STXBP2: variants seen among roughly 807,000 people sequenced by gnomAD.
STXBP2 encodes syntaxin binding protein 2.
A neutral mutation model predicts 72.2 loss-of-function variants in STXBP2; 47 were observed. That is an observed-to-expected ratio of 0.65 (90% confidence interval 0.51 to 0.83). STXBP2 has a LOEUF of 0.83. STXBP2 is among the 40% of genes least tolerant of loss of function. STXBP2 has a pLI of 0.00. For missense variants in STXBP2, 702 were observed against 807.6 expected (o/e 0.87, Z 1.58); for synonymous variants, 367 against 338.7 (o/e 1.08, Z -0.92).
chr19:7,639,851 T>C (rs780428600), intron 4 of STXBP2, 44 bp downstream of exon 4: 7 of 1,578,556 alleles, frequency 4.4e-6, no homozygotes, highest in Non-Finnish European at 5.2e-6. Flanking sequence ...TGCATGCGTG[T>C]ACATGTGCAT....
chr19:7,633,214 C>T (rs980792254), upstream of STXBP2, among the ~76,000 whole-genome samples: 4 of 152,244 alleles, frequency 2.6e-5, no homozygotes, highest in Admixed American at 2.0e-4. Context: ...GGGGTCCACA[C>T]GGAGAGCCCT....
chr19:7,630,559 C>G, the STXBP2 span: 2 of 1,532,696 alleles, frequency 1.3e-6, no homozygotes, highest in Non-Finnish European at 1.8e-6. Context: ...CTCACCCACC[C>G]TCTGCCATTC....
upstream of STXBP2, chr19:7,633,317 T>G (rs2146197640): frequency 7.7e-7 from 1 of 1,304,276 alleles, no homozygotes; most frequent in East Asian, 2.5e-5. Flanking sequence ...GGAGACTCAC[T>G]CGTTAATTAG....
rs905781642 is a variant in STXBP2, at chr19:7,645,993, C to G, written c.1357-256C>G. The G allele has an allele frequency of 2.3e-5, 13 of 575,572 alleles. No individual in the cohort carries two copies. The African/African-American group carries it at 2.4e-4, about 11-fold the overall frequency. The allele number at this position is 575,572 out of a possible 1,614,324, so 35.7% of individuals were successfully genotyped here. ...TACTTTGTCTCACTGCTTCTTATCT[C>G]TTTGCCTATCTCTGCCTCTGTCTTT... On this transcript the variant is annotated intron_variant, in intron 15 of 18. Coordinates refer to ENST00000221283, the MANE Select transcript of STXBP2 (RefSeq NM_006949.4).
intron 1 of STXBP2, among the ~76,000 whole-genome samples, chr19:7,638,034 T>TG (rs1599387738): frequency 3.3e-5 from 5 of 152,244 alleles, no homozygotes; most frequent in African/African-American, 1.2e-4. Flanking sequence ...TAGACCAGGT[T>TG]GGGGGGACTG....
the STXBP2 span, chr19:7,629,883 T>C: frequency 6.6e-7 from 1 of 1,519,662 alleles, no homozygotes; most frequent in Admixed American, 2.1e-5. Flanking sequence ...AGGAGTGGGT[T>C]GGGAGGCTGG....
In STXBP2 at chr19:7,639,038, C is replaced by G. The variant is rs763199081; in HGVS notation, c.107C>G (p.Pro36Arg). 8.7e-6 allele frequency: 14 copies of G among 1,614,120 alleles called. No homozygotes were observed. Among genetic ancestry groups the G allele is most frequent in the Non-Finnish European group, 1.2e-5 (14 of 1,180,040 alleles). ...GGACAGGTGCTTATCATGGATCACC[C>G]AAGCATGCGCATCTTGTCTTCCTGC... is the stretch of plus-strand genomic sequence containing the variant. ...GEWKVLIMDH[P>R]SMRILSSCCK... Residue 36 changes from proline to arginine, a missense_variant, in exon 3 of 19, where the codon CCA (proline) becomes CGA (arginine). Pro to Arg is a moderately radical substitution (Grantham distance 103). Transcript: ENST00000221283.
chr19:7,642,298 G>C lies in STXBP2; in HGVS notation c.759G>C (p.Ala253=). The part of the protein sequence containing the change: ...LLHELTFQAM[A]YDLLDIEQDT... ...ATGAGCTCACGTTCCAGGCCATGGC[G>C]TATGATCTGCTGGACATAGAGCAGG... The change falls in exon 9 of 19, where the codon GCG becomes GCC. Residue 253 remains alanine (A), a synonymous_variant. Transcript: ENST00000221283. This position sits in a 1 kb window ranked among gnomAD's most constrained non-coding sequence, Gnocchi z 6.0. 6.2e-7 allele frequency: 1 copy of C among 1,614,140 alleles called. No individual in the cohort carries two copies. Among genetic ancestry groups the C allele is most frequent in the Non-Finnish European group, 8.5e-7 (1 of 1,180,012 alleles).
chr19:7,639,409 T>C, intron 3 of STXBP2: 1 of 577,652 alleles, frequency 1.7e-6, no homozygotes, highest in Non-Finnish European at 3.1e-6. Context: ...GGATGTGGGG[T>C]CCCAAGAATG....
upstream of STXBP2, chr19:7,632,127 C>A: frequency 1.7e-6 from 1 of 586,932 alleles, no homozygotes; most frequent in South Asian, 2.4e-5. The surrounding 1 kb of genome is among the most constrained non-coding windows in gnomAD (Gnocchi z 5.2). Flanking sequence ...GGAAGGGGTC[C>A]TATTTTCTCC....
chr19:7,633,583 A>G, upstream of STXBP2: 1 of 847,084 alleles, frequency 1.2e-6, no homozygotes, highest in East Asian at 2.7e-5. Context: ...CTCATGCCCC[A>G]TCTGCTCCCA....
At position 7,637,179 on chromosome 19, in the gene STXBP2, G is replaced by A. The variant is rs1599386198; in HGVS notation, c.30G>A (p.Val10=). MAPSGLKAV[V]GEKILSGVIR... The stretch of plus-strand genomic sequence containing the variant: ...CGCCCTCGGGGCTGAAGGCGGTGGT[G>A]GGGGAAAGTGAGTGCCTCTCCGGGG... Residue 10 remains valine, a synonymous_variant, in exon 1 of 19, where the codon GTG becomes GTA. Transcript: ENST00000221283. 1 of 1,243,326 alleles carries A rather than the reference G, an allele frequency of 8.0e-7. No individual in the cohort carries two copies. Among genetic ancestry groups the A allele is most frequent in the Non-Finnish European group, 1.0e-6 (1 of 988,440 alleles). 77.0% of individuals were successfully genotyped at this position (1,243,326 alleles called of 1,614,324 possible). A position where few individuals can be genotyped will look rare whatever the true frequency, so the allele number is the denominator to read the frequency against.
At chr19:7,630,957 C>G in the STXBP2 span, 2 of 1,363,064 alleles carry the variant, frequency 1.5e-6, no homozygotes, top group Non-Finnish European at 2.0e-6. Context: ...TGCTTGTAAT[C>G]CCAGGGCATG....
At chr19:7,639,441 C>T (rs748631336) in intron 3 of STXBP2, 2 of 573,646 alleles carry the variant, frequency 3.5e-6, no homozygotes, top group Non-Finnish European at 6.2e-6. Flanking sequence ...ATGGGTGACC[C>T]CAGGTGGTGT....
At chr19:7,632,092 A>C (rs77624433), upstream of STXBP2, 9,170 of 557,980 alleles carry the variant, frequency 0.016, 355 homozygotes, top group Admixed American at 0.13. This position sits in a 1 kb window ranked among gnomAD's most constrained non-coding sequence, Gnocchi z 5.2. Context: ...AGCTTACGTG[A>C]CTTCCTCCCT....
At chr19:7,636,943 C>A (rs116222519), upstream of STXBP2, 1,836 of 429,130 alleles carry the variant, frequency 4.3e-3, 27 homozygotes, top group African/African-American at 0.031. Context: ...CCAGCGACTT[C>A]GTGCTCGGCA....
chr19:7,646,549 C>A, intron 16 of STXBP2: 1 of 635,658 alleles, frequency 1.6e-6, no homozygotes, highest in Non-Finnish European at 2.9e-6. Flanking sequence ...TGCTGGGGAG[C>A]CTCACTTCCT....
At position 7,640,881 on chromosome 19, in the gene STXBP2, C is replaced by CA. The variant is rs1758941481; in HGVS notation, c.326-18dup. The CA allele has an allele frequency of 1.2e-6, 2 of 1,613,850 alleles. No individual in the cohort carries two copies. The highest frequency in any genetic ancestry group is 2.2e-5 in the South Asian group (2 of 91,086). ...TGGGGGCTGCTCTGGCCTGATGCCC[C>CA]ACTCCTGCCTCACCCCAGCCTGCCC... is the stretch of plus-strand genomic sequence containing the variant. On this transcript the variant is annotated intron_variant, in intron 5 of 18. Transcript: ENST00000221283.
the STXBP2 span, chr19:7,631,488 G>T: frequency 1.3e-6 from 2 of 1,536,504 alleles, no homozygotes; most frequent in Non-Finnish European, 1.7e-6. Context: ...AGAGATAGAG[G>T]AATTCAAAGA....
Sources: allele counts gnomAD v4.1 joint callset (sites outside exome capture counted in the v4.1 genomes callset), GRCh38; gene constraint gnomAD v4.1.1; non-coding constraint Gnocchi (gnomAD v3.1); transcripts MANE v1.5; gene names NCBI Gene and HGNC (gene_info 2026-07-23, HGNC 2026-07-21).